Variants in FOXK1 observed in about 807,000 individuals in gnomAD.
FOXK1 encodes forkhead box K1.
A neutral mutation model predicts 51.9 loss-of-function variants in FOXK1; 19 were observed. That is an observed-to-expected ratio of 0.37 (90% CI 0.26 to 0.54). The LOEUF (loss-of-function observed/expected upper bound fraction) is 0.54. Among genes scored for constraint, FOXK1 ranks in the 20% least tolerant of loss-of-function variants. The probability of loss-of-function intolerance (pLI) is 0.87; values close to 1 mark genes in which losing one functional copy is unlikely to be tolerated. For synonymous variants in FOXK1, 537 were observed against 482.6 expected, an observed-to-expected ratio of 1.11 and a Z score of -1.48; for missense variants, 870 against 1,032.7, an observed-to-expected ratio of 0.84 and a Z score of 2.16.
chr7:4,729,536 C>T lies in FOXK1; in HGVS notation c.561-11302C>T, dbSNP rs13232425. 0.46 allele frequency among the ~76,000 whole-genome samples: 70,337 copies of T among 151,958 alleles called. 17,296 individuals are homozygous for T. The highest frequency in any genetic ancestry group is 0.84 in the East Asian group (4,338 of 5,142). On this transcript the variant is annotated intron_variant, in intron 1 of 8. Transcript: ENST00000328914. This position sits in a 1 kb window ranked among gnomAD's most constrained non-coding sequence, Gnocchi z 6.2. ...TGGGGTGCTCAGGACTGCCGGGCCC[C>T]GGGAGCCCCACCCGGCAGGACACAC...
chr7:4,736,013 G>A (rs1481095541), intron 1 of FOXK1, among the ~76,000 whole-genome samples: 1 of 152,158 alleles, frequency 6.6e-6, no homozygotes, highest in Non-Finnish European at 1.5e-5. Flanking sequence ...GCTGGGCTCT[G>A]TGGCGCGTGC....
In FOXK1 at chr7:4,749,681, G is replaced by A. The variant is rs1169615301; in HGVS notation, c.747-4778G>A. On this transcript the variant is annotated intron_variant, in intron 2 of 8. Coordinates refer to ENST00000328914, the MANE Select transcript of FOXK1 (RefSeq NM_001037165.2). This position sits in a 1 kb window ranked among gnomAD's most constrained non-coding sequence, Gnocchi z 6.0. ...GCCTGCCGGAAGCGATAACTGTCCC[G>A]ACCCTAGGCCTCTCAGGGTGGCCTT... Among the ~76,000 whole-genome samples the A allele has an allele frequency of 1.3e-5, 2 of 152,154 alleles. No individual in the cohort carries two copies. Among genetic ancestry groups the A allele is most frequent in the Non-Finnish European group, 1.5e-5 (1 of 68,026 alleles).
In FOXK1 at chr7:4,709,779, T is replaced by C. The variant is rs1430940657; in HGVS notation, c.560+26911T>C. On this transcript the variant is annotated intron_variant, in intron 1 of 8. Coordinates refer to ENST00000328914, the MANE Select transcript of FOXK1 (RefSeq NM_001037165.2). This position sits in a 1 kb window ranked among gnomAD's most constrained non-coding sequence, Gnocchi z 5.6. ...TTCTTGGCGTTGAGTGACCTCACGATGTGCTGTCCGTCTTCTCGCTGTTCA... is the reference window on the plus strand; with the variant it reads ...TTCTTGGCGTTGAGTGACCTCACGACGTGCTGTCCGTCTTCTCGCTGTTCA... Among the ~76,000 whole-genome samples, 3 of 152,228 alleles carry C rather than the reference T, an allele frequency of 2.0e-5. No individual in the cohort carries two copies. The highest frequency in any genetic ancestry group is 7.2e-5 in the African/African-American group (3 of 41,464).
intron 7 of FOXK1, 36 bp downstream of exon 7, chr7:4,759,631 C>G (rs1276170021): frequency 2.0e-5 from 31 of 1,513,652 alleles, no homozygotes; most frequent in East Asian, 1.7e-4. Context: ...TCGCAGGACC[C>G]TTTGTGGTGG....
intron 1 of FOXK1, among the ~76,000 whole-genome samples, chr7:4,727,550 G>C (rs1386370086): frequency 6.6e-6 from 1 of 152,120 alleles, no homozygotes; most frequent in African/African-American, 2.4e-5. Flanking sequence ...CCTGACCTCA[G>C]GTGATCCTCC....
At chr7:4,686,974 C>T (rs1292407141) in intron 1 of FOXK1, among the ~76,000 whole-genome samples, 2 of 151,140 alleles carry the variant, frequency 1.3e-5, no homozygotes, top group African/African-American at 4.9e-5. Flanking sequence ...GCTCTGTCAC[C>T]GAGGCTGGAG....
rs1208246862 is a variant in FOXK1 at position 4,748,448 on chromosome 7, T to G, written c.747-6011T>G. Among the ~76,000 whole-genome samples the G allele has an allele frequency of 6.6e-6, 1 of 152,238 alleles. No individual in the cohort carries two copies. The highest frequency in any genetic ancestry group is 1.5e-5 in the Non-Finnish European group (1 of 68,044). On this transcript the variant is annotated intron_variant, in intron 2 of 8. Coordinates refer to ENST00000328914, the MANE Select transcript of FOXK1 (RefSeq NM_001037165.2). This position sits in a 1 kb window ranked among gnomAD's most constrained non-coding sequence, Gnocchi z 4.9. The stretch of plus-strand genomic sequence containing the variant: ...TAGCGCTTAGCCATTTCCTTCCTTG[T>G]ACTTTTGGCTTATTTCCGCCACACT...
chr7:4,702,466 C>T (rs1228996539), intron 1 of FOXK1, among the ~76,000 whole-genome samples: 2 of 152,134 alleles, frequency 1.3e-5, no homozygotes, highest in East Asian at 1.9e-4. Context: ...CCTCAGCCTC[C>T]GGAGTAGCTG....
chr7:4,689,326 G>A (rs1219666663), intron 1 of FOXK1, among the ~76,000 whole-genome samples: 54 of 152,202 alleles, frequency 3.5e-4, no homozygotes, highest in Admixed American at 3.5e-3. Context: ...CGGATACGTG[G>A]CTGGGTTGCC....
chr7:4,698,118 C>T (rs1779976254), intron 1 of FOXK1, among the ~76,000 whole-genome samples: 1 of 152,122 alleles, frequency 6.6e-6, no homozygotes, highest in African/African-American at 2.4e-5. Context: ...AGCCACTGTG[C>T]CCAGCCCTAA....
chr7:4,754,582 G>A lies in FOXK1; in HGVS notation c.870G>A (p.Gln290=), dbSNP rs1409600384. Residue 290 remains glutamine, a synonymous_variant, in exon 3 of 9, where the codon CAG becomes CAA. Transcript: ENST00000328914. ...TTGCAGCAAAGGCCGCGTCGGAGCAGCAGGCAGACACGTCTGGAGGAGACA... is the reference window on the plus strand; with the variant it reads ...TTGCAGCAAAGGCCGCGTCGGAGCAACAGGCAGACACGTCTGGAGGAGACA... ...AEFAAKAASE[Q]QADTSGGDSP... is the part of the protein sequence containing the mutation. 6.8e-6 allele frequency: 11 copies of A among 1,607,592 alleles called. No homozygotes were observed. Among genetic ancestry groups the A allele is most frequent in the Non-Finnish European group, 7.6e-6 (9 of 1,179,994 alleles).
chr7:4,697,402 A>C (rs757785217), intron 1 of FOXK1, among the ~76,000 whole-genome samples: 1 of 152,244 alleles, frequency 6.6e-6, no homozygotes, highest in Non-Finnish European at 1.5e-5. Context: ...AGACCCTGCC[A>C]GCTGCCTGTG....
intron 1 of FOXK1, among the ~76,000 whole-genome samples, chr7:4,687,316 G>A (rs1176725881): frequency 6.7e-6 from 1 of 149,920 alleles, no homozygotes; most frequent in Non-Finnish European, 1.5e-5. Context: ...TTTTTGCAAC[G>A]GAGTCTCACT....
intron 1 of FOXK1, among the ~76,000 whole-genome samples, chr7:4,725,292 C>T (rs539072235): frequency 3.6e-4 from 55 of 152,352 alleles, no homozygotes; most frequent in African/African-American, 1.2e-3. Context: ...CCGACGCCAT[C>T]GGCTCCGGGA....
chr7:4,689,347 T>TC (rs1198195294), intron 1 of FOXK1, among the ~76,000 whole-genome samples: 1 of 152,224 alleles, frequency 6.6e-6, no homozygotes. Context: ...ATGCTCCATC[T>TC]GCTGAGAGGC....
intron 1 of FOXK1, among the ~76,000 whole-genome samples, chr7:4,725,846 C>T (rs1780374707): frequency 1.3e-5 from 2 of 152,200 alleles, no homozygotes; most frequent in Non-Finnish European, 2.9e-5. Flanking sequence ...GCCAGGGGCA[C>T]ATGTGCTGGG....
intron 1 of FOXK1, among the ~76,000 whole-genome samples, chr7:4,713,324 C>T (rs1049449045): frequency 3.9e-5 from 6 of 152,054 alleles, no homozygotes; most frequent in Non-Finnish European, 8.8e-5. Flanking sequence ...GATTCCCGCT[C>T]ACTGAGATTC....
At chr7:4,740,203 G>A (rs1463368429) in intron 1 of FOXK1, among the ~76,000 whole-genome samples, 1 of 152,162 alleles carries the variant, frequency 6.6e-6, no homozygotes, top group Non-Finnish European at 1.5e-5. Context: ...GGTCAAGGCA[G>A]GCGGATTACG....
chr7:4,697,936 T>TG (rs1303331962), intron 1 of FOXK1, among the ~76,000 whole-genome samples: 1 of 152,122 alleles, frequency 6.6e-6, no homozygotes, highest in African/African-American at 2.4e-5. Flanking sequence ...GTGATTCTCT[T>TG]GCCTCAGCCT....
Sources: allele counts gnomAD v4.1 joint callset (sites outside exome capture counted in the v4.1 genomes callset), GRCh38; gene constraint gnomAD v4.1.1; non-coding constraint Gnocchi (gnomAD v3.1); transcripts MANE v1.5; gene names NCBI Gene and HGNC (gene_info 2026-07-23, HGNC 2026-07-21).